ATP6V1C1: variants seen among roughly 807,000 people sequenced by gnomAD.
ATP6V1C1 encodes the protein V-type proton ATPase subunit C 1.
ATP6V1C1 carries 45 observed loss-of-function variants against 53.9 expected under a neutral mutation model. The ratio of observed to expected loss-of-function variants is 0.83; its 90% CI spans 0.66 to 1.07. The LOEUF (loss-of-function observed/expected upper bound fraction) is 1.07. ATP6V1C1 is among the 50% of genes least tolerant of loss of function. The probability of loss-of-function intolerance (pLI) is 0.00; values close to 1 mark genes in which losing one functional copy is unlikely to be tolerated. For missense variants in ATP6V1C1, 315 were observed against 440.3 expected, an observed-to-expected ratio of 0.72 and a Z score of 2.55; for synonymous variants, 153 against 155.2, an observed-to-expected ratio of 0.99 and a Z score of 0.11.
intron 4 of ATP6V1C1, among the ~76,000 whole-genome samples, chr8:103,049,634 T>C (rs1586319763): frequency 6.6e-6 from 1 of 152,240 alleles, no homozygotes. Context: ...TAGTGATACG[T>C]TTTTATAACA....
chr8:103,032,169 A>G (rs1816809648), intron 1 of ATP6V1C1, among the ~76,000 whole-genome samples: 2 of 152,242 alleles, frequency 1.3e-5, no homozygotes, highest in South Asian at 2.1e-4. Flanking sequence ...TCAAGATCAT[A>G]TAAAAATTTT....
chr8:103,061,725 TA>T lies in ATP6V1C1; in HGVS notation c.642-1224del, dbSNP rs1056661525. Among the ~76,000 whole-genome samples, 28 of 152,170 alleles carry T rather than the reference TA, an allele frequency of 1.8e-4. 1 individual carries two copies. Among genetic ancestry groups the T allele is most frequent in the Admixed American group, 3.9e-4 (6 of 15,278 alleles). On this transcript the variant is annotated intron_variant, in intron 8 of 12. Coordinates refer to ENST00000518738, the MANE Select transcript of ATP6V1C1 (RefSeq NM_001695.5). ...ACGATTATATCTCAGTAAAGCTGTT[TA>T]AAAAACACTAAACATTAGAAGAACT...
In ATP6V1C1 at chr8:103,072,207, A is replaced by G. The variant is rs1817598622; in HGVS notation, c.*3460A>G. 6.6e-6 allele frequency: 1 copy of G among 152,254 alleles called. No homozygotes were observed. The highest frequency in any genetic ancestry group is 1.5e-5 in the Non-Finnish European group (1 of 68,040). The allele number at this position is 152,254 out of a possible 1,614,324, so 9.4% of individuals were successfully genotyped here. A position where few individuals can be genotyped will look rare whatever the true frequency, so the allele number is the denominator to read the frequency against. On this transcript the variant is annotated 3_prime_UTR_variant, in exon 13 of 13. Coordinates refer to ENST00000518738, the MANE Select transcript of ATP6V1C1 (RefSeq NM_001695.5). ...AGTGCATATCCAGTAGTACCTTTAA[A>G]GTAACACTTTGTACATAACAAATAC...
intron 4 of ATP6V1C1, among the ~76,000 whole-genome samples, chr8:103,049,174 A>G (rs1473825815): frequency 6.6e-6 from 1 of 152,230 alleles, no homozygotes; most frequent in African/African-American, 2.4e-5. Flanking sequence ...ATAATATGTA[A>G]TATAGCTTAT....
chr8:103,042,816 T>A (rs1465303206), intron 3 of ATP6V1C1, among the ~76,000 whole-genome samples: 1 of 152,198 alleles, frequency 6.6e-6, no homozygotes, highest in Non-Finnish European at 1.5e-5. Context: ...ATAGATTTGC[T>A]TGGTCTGGAC....
intron 1 of ATP6V1C1, among the ~76,000 whole-genome samples, chr8:103,026,230 A>T (rs60485240): frequency 2.2e-3 from 336 of 152,338 alleles, no homozygotes; most frequent in African/African-American, 7.1e-3. Context: ...ACATTGTATT[A>T]TGTATTACAT....
chr8:103,054,517 G>A (rs1817254780), intron 7 of ATP6V1C1, among the ~76,000 whole-genome samples: 1 of 152,094 alleles, frequency 6.6e-6, no homozygotes, highest in Non-Finnish European at 1.5e-5. Flanking sequence ...TAGATGATAT[G>A]TGAACGAATG....
At chr8:103,062,189 T>C (rs113783331) in intron 8 of ATP6V1C1, among the ~76,000 whole-genome samples, 138 of 137,790 alleles carry the variant, frequency 1.0e-3, no homozygotes, top group Middle Eastern at 3.6e-3. Context: ...TTTTTTTTTT[T>C]TGACAGGGAC....
At chr8:103,066,271 TCTTTA>T in intron 11 of ATP6V1C1, 45 bp from the exon 12 acceptor site, 1 of 1,554,722 alleles carries the variant, frequency 6.4e-7, no homozygotes, top group Non-Finnish European at 8.6e-7. Context: ...AAAGAAAATC[TCTTTA>T]CATGTTTGCT....
In ATP6V1C1 at chr8:103,068,841, T is replaced by C; in HGVS notation, c.*94T>C. 2 of 1,039,684 alleles carry C rather than the reference T, an allele frequency of 1.9e-6. No individual in the cohort carries two copies. The highest frequency in any genetic ancestry group is 2.7e-6 in the Non-Finnish European group (2 of 730,304). The allele number at this position is 1,039,684 out of a possible 1,614,324, so 64.4% of individuals were successfully genotyped here. On this transcript the variant is annotated 3_prime_UTR_variant, in exon 13 of 13. Transcript: ENST00000518738. ...GGTCGTACTTTTAACTCTAGTATCCTTTGCTTGCTTCTTACGCCCTTTCCT... is the reference window on the plus strand; with the variant it reads ...GGTCGTACTTTTAACTCTAGTATCCCTTGCTTGCTTCTTACGCCCTTTCCT...
chr8:103,063,704 G>A (rs931756143), intron 10 of ATP6V1C1, among the ~76,000 whole-genome samples: 1 of 152,146 alleles, frequency 6.6e-6, no homozygotes, highest in Non-Finnish European at 1.5e-5. Flanking sequence ...GAGAATTGGT[G>A]TGTTCTAGGT....
intron 10 of ATP6V1C1, among the ~76,000 whole-genome samples, chr8:103,063,886 T>C (rs1362784921): frequency 3.3e-5 from 5 of 152,162 alleles, no homozygotes; most frequent in African/African-American, 1.2e-4. Flanking sequence ...ATATTGAAAA[T>C]TATTTCCAAG....
chr8:103,037,360 AAAAGAG>A (rs1476317704), intron 1 of ATP6V1C1, among the ~76,000 whole-genome samples: 27 of 152,088 alleles, frequency 1.8e-4, no homozygotes, highest in African/African-American at 6.0e-4. Flanking sequence ...TAATTAAAAA[AAAAGAG>A]AGACAGGGTC....
Position 103,058,947 on chromosome 8 carries a change from G to A in ATP6V1C1, c.641+3011G>A, listed in dbSNP as rs529863633. ...GTTGAAACACTGTTCAGAAAGAGGT[G>A]CTTTTCACTTGTCCTTTCAGAATTA... On this transcript the variant is annotated intron_variant, in intron 8 of 12. Transcript: ENST00000518738. 3.3e-5 allele frequency among the ~76,000 whole-genome samples: 5 copies of A among 150,680 alleles called. No homozygotes were observed. The East Asian group carries it at 9.7e-4, about 29-fold the overall frequency.
intron 1 of ATP6V1C1, among the ~76,000 whole-genome samples, chr8:103,035,254 C>G (rs1343705540): frequency 1.4e-5 from 2 of 146,298 alleles, no homozygotes; most frequent in Non-Finnish European, 3.0e-5. Context: ...CTAAAAAACA[C>G]TTTTAAAAAA....
At chr8:103,063,513 C>T (rs1015088841) in intron 10 of ATP6V1C1, among the ~76,000 whole-genome samples, 4 of 152,102 alleles carry the variant, frequency 2.6e-5, no homozygotes, top group African/African-American at 9.7e-5. Flanking sequence ...AAAGAAATTA[C>T]TCCACCTAAA....
chr8:103,052,155 T>C (rs1446944749), intron 5 of ATP6V1C1, among the ~76,000 whole-genome samples: 1 of 152,066 alleles, frequency 6.6e-6, no homozygotes, highest in East Asian at 1.9e-4. Context: ...TGAAGTGACT[T>C]ACCCTCGTGC....
intron 1 of ATP6V1C1, among the ~76,000 whole-genome samples, chr8:103,032,274 A>G (rs1158654457): frequency 6.6e-6 from 1 of 152,198 alleles, no homozygotes; most frequent in African/African-American, 2.4e-5. Flanking sequence ...GAGCTCCTGA[A>G]CTTCATTAGT....
At chr8:103,050,307 G>A (rs900305329) in intron 4 of ATP6V1C1, among the ~76,000 whole-genome samples, 5 of 152,188 alleles carry the variant, frequency 3.3e-5, no homozygotes, top group Non-Finnish European at 7.3e-5. Context: ...TGGAATGGTG[G>A]TTGACCAAGA....
Sources: gnomAD v4.1 joint callset for allele counts (sites outside exome capture counted in the v4.1 genomes callset) on GRCh38, gnomAD v4.1.1 for gene constraint, MANE v1.5 for transcripts, NCBI Gene and HGNC (gene_info 2026-07-23, HGNC 2026-07-21) for gene names.